The following PTPRD variants were observed in gnomAD, a reference collection of about 807,000 sequenced individuals.
The protein encoded by PTPRD is protein tyrosine phosphatase receptor type D, also known as receptor-type tyrosine-protein phosphatase delta.
A neutral mutation model predicts 214.5 loss-of-function variants in PTPRD; 34 were observed. The ratio of observed to expected loss-of-function variants is 0.16; its 90% CI spans 0.12 to 0.21. The LOEUF (loss-of-function observed/expected upper bound fraction) is 0.21. Ranked by LOEUF, PTPRD falls within the 10% of genes least tolerant of loss-of-function variation. The probability of loss-of-function intolerance (pLI) is 1.00; values close to 1 mark genes in which losing one functional copy is unlikely to be tolerated. For synonymous variants in PTPRD, 1,128 were observed against 845.7 expected, an observed-to-expected ratio of 1.33 and a Z score of -5.79; for missense variants, 2,545 against 2,398.7, an observed-to-expected ratio of 1.06 and a Z score of -1.27.
chr9:9,975,746 G>C (rs749283873), intron 4 of PTPRD, among the ~76,000 whole-genome samples: 1 of 152,154 alleles, frequency 6.6e-6, no homozygotes, highest in Non-Finnish European at 1.5e-5. Flanking sequence ...AGATACACAG[G>C]TTCTGGAGTC....
chr9:8,663,618 A>G (rs920214894), intron 12 of PTPRD, among the ~76,000 whole-genome samples: 31 of 151,992 alleles, frequency 2.0e-4, no homozygotes, highest in Non-Finnish European at 5.9e-5. Flanking sequence ...AGCCTCCCCA[A>G]GTAGCTGGGG....
intron 2 of PTPRD, among the ~76,000 whole-genome samples, chr9:10,519,876 A>C (rs1378670171): frequency 6.6e-6 from 1 of 152,000 alleles, no homozygotes; most frequent in African/African-American, 2.4e-5. Flanking sequence ...GACTGTTCCA[A>C]AGTCCTGCAT....
rs879881642 is a variant in PTPRD, at chr9:10,418,498, C to CAT, written c.-599-77482_-599-77481insAT. ...ACACACACACACACACACACACACA[C>CAT]TTCATATCCTTCCTTCTGCTGTAAT... is the stretch of plus-strand genomic sequence containing the variant. On this transcript the variant is annotated intron_variant, in intron 2 of 45. Transcript: ENST00000381196. Among the ~76,000 whole-genome samples, 536 of 141,608 alleles carry CAT rather than the reference C, an allele frequency of 3.8e-3. 5 individuals are homozygous for CAT. The highest frequency in any genetic ancestry group is 0.014 in the African/African-American group (514 of 38,046). The allele number at this position is 141,608 out of a possible 152,430, so 92.9% of individuals were successfully genotyped here.
chr9:9,662,568 G>C (rs879914232), intron 7 of PTPRD, among the ~76,000 whole-genome samples: 1 of 151,564 alleles, frequency 6.6e-6, no homozygotes, highest in African/African-American at 2.4e-5. Context: ...CTTCTGTTAA[G>C]AAATCTGAAT....
chr9:9,702,989 T>C (rs62534689), intron 7 of PTPRD, among the ~76,000 whole-genome samples: 49 of 152,334 alleles, frequency 3.2e-4, no homozygotes, highest in Non-Finnish European at 5.0e-4. Flanking sequence ...CAGAATGTAC[T>C]ACTGATATGC....
At chr9:9,481,467 GAC>G (rs1331156457) in intron 8 of PTPRD, among the ~76,000 whole-genome samples, 7 of 152,170 alleles carry the variant, frequency 4.6e-5, no homozygotes, top group Non-Finnish European at 8.8e-5. Flanking sequence ...TTACCCATCA[GAC>G]ACAGTAGGTA....
chr9:9,993,577 T>C (rs1443019807), intron 4 of PTPRD, among the ~76,000 whole-genome samples: 1 of 152,218 alleles, frequency 6.6e-6, no homozygotes, highest in Non-Finnish European at 1.5e-5. Context: ...ATTCATTTTA[T>C]ATATAATTTA....
chr9:10,039,717 T>G (rs1447746841), intron 3 of PTPRD, among the ~76,000 whole-genome samples: 1 of 115,048 alleles, frequency 8.7e-6, no homozygotes, highest in Admixed American at 8.5e-5. Flanking sequence ...ACATGAATTC[T>G]AAGACTTTTT....
At chr9:9,955,535 T>G (rs916939956) in intron 4 of PTPRD, among the ~76,000 whole-genome samples, 37 of 135,400 alleles carry the variant, frequency 2.7e-4, no homozygotes, top group African/African-American at 7.8e-4. Flanking sequence ...TGTTTTTTTT[T>G]TTTTTTGAGA....
intron 36 of PTPRD, among the ~76,000 whole-genome samples, chr9:8,390,490 T>A (rs2135726754): frequency 6.6e-6 from 1 of 152,294 alleles, no homozygotes; most frequent in African/African-American, 2.4e-5. Flanking sequence ...CAGAACTCCC[T>A]TGACAGCCCT....
chr9:9,606,332 C>T (rs999974232), intron 7 of PTPRD, among the ~76,000 whole-genome samples: 2 of 152,044 alleles, frequency 1.3e-5, no homozygotes, highest in African/African-American at 4.8e-5. Context: ...CTGGTTCTAT[C>T]TCATTATAAT....
chr9:8,625,869 TAAAAA>T (rs77897424), intron 14 of PTPRD, among the ~76,000 whole-genome samples: 1 of 139,892 alleles, frequency 7.1e-6, no homozygotes, highest in Non-Finnish European at 1.6e-5. Context: ...GCCCAGTAGT[TAAAAA>T]AAAAAAAAAA....
chr9:9,635,007 A>C (rs948045627), intron 7 of PTPRD, among the ~76,000 whole-genome samples: 2 of 152,322 alleles, frequency 1.3e-5, no homozygotes, highest in African/African-American at 4.8e-5. Flanking sequence ...AGGATGGATT[A>C]GATGTTCAAC....
At chr9:10,482,110 G>C (rs531112117) in intron 2 of PTPRD, among the ~76,000 whole-genome samples, 1 of 152,258 alleles carries the variant, frequency 6.6e-6, no homozygotes, top group South Asian at 2.1e-4. Flanking sequence ...GGTGGCTCAC[G>C]CCTGTAATCC....
chr9:9,012,747 G>C (rs139600903), intron 11 of PTPRD, among the ~76,000 whole-genome samples: 1 of 152,054 alleles, frequency 6.6e-6, no homozygotes, highest in African/African-American at 2.4e-5. Flanking sequence ...CTGCCATCCA[G>C]GATAAGAAAT....
intron 9 of PTPRD, among the ~76,000 whole-genome samples, chr9:9,341,437 C>A (rs189870684): frequency 2.8e-4 from 43 of 152,226 alleles, no homozygotes; most frequent in Non-Finnish European, 4.7e-4. Context: ...ACCCCACTTC[C>A]CACTGACTGC....
intron 14 of PTPRD, among the ~76,000 whole-genome samples, chr9:8,544,722 C>T (rs921678961): frequency 5.3e-5 from 8 of 151,474 alleles, no homozygotes; most frequent in African/African-American, 1.9e-4. Context: ...CCACCATTGT[C>T]GGCCTCCCAA....
At chr9:10,269,083 T>C (rs892804980) in intron 3 of PTPRD, among the ~76,000 whole-genome samples, 8 of 152,186 alleles carry the variant, frequency 5.3e-5, no homozygotes, top group Non-Finnish European at 1.0e-4. Flanking sequence ...AAAGTTCACA[T>C]GCTCAAACCT....
intron 37 of PTPRD, among the ~76,000 whole-genome samples, chr9:8,382,508 T>G (rs182523178): frequency 6.6e-6 from 1 of 152,198 alleles, no homozygotes; most frequent in Non-Finnish European, 1.5e-5. Context: ...ATCTGTCAGC[T>G]GCCTTTCTAA....
Sources: gnomAD v4.1 joint callset for allele counts (sites outside exome capture counted in the v4.1 genomes callset) on GRCh38, gnomAD v4.1.1 for gene constraint, MANE v1.5 for transcripts, NCBI Gene and HGNC (gene_info 2026-07-23, HGNC 2026-07-21) for gene names.